EGFLAM: variants seen among roughly 807,000 people sequenced by gnomAD.
The protein encoded by EGFLAM is EGF like, fibronectin type III and laminin G domains, also known as pikachurin.
A neutral mutation model predicts 113.1 loss-of-function variants in EGFLAM; 79 were observed. That is an observed-to-expected ratio of 0.70 (90% CI 0.58 to 0.84). The LOEUF is 0.84. Among genes scored for constraint, EGFLAM ranks in the 40% least tolerant of loss-of-function variants. The probability of loss-of-function intolerance (pLI) is 0.00; values close to 1 mark genes in which losing one functional copy is unlikely to be tolerated. For synonymous variants in EGFLAM, 504 were observed against 487.6 expected (o/e 1.03, Z -0.44); for missense variants, 1,265 against 1,291.6 (o/e 0.98, Z 0.32).
intron 20 of EGFLAM, among the ~76,000 whole-genome samples, chr5:38,459,148 C>T (rs1670654817): frequency 6.6e-6 from 1 of 151,948 alleles, no homozygotes; most frequent in Admixed American, 6.5e-5. Context: ...TCAGGCAGTC[C>T]TCCCACTTCA....
At chr5:38,360,825 T>TATTC (rs201476604) in intron 5 of EGFLAM, among the ~76,000 whole-genome samples, 258 of 49,240 alleles carry the variant, frequency 5.2e-3, no homozygotes, top group Middle Eastern at 0.013. Context: ...TGAAATTATT[T>TATTC]ATTTATTTAT....
At chr5:38,293,712 C>T (rs1758391847) in intron 1 of EGFLAM, among the ~76,000 whole-genome samples, 1 of 152,164 alleles carries the variant, frequency 6.6e-6, no homozygotes, top group Non-Finnish European at 1.5e-5. Context: ...CAACATTACT[C>T]TTGAAAATCT....
intron 6 of EGFLAM, among the ~76,000 whole-genome samples, chr5:38,404,816 C>T (rs557996413): frequency 6.6e-5 from 10 of 152,256 alleles, no homozygotes; most frequent in Admixed American, 5.9e-4. Flanking sequence ...TGGCCCAAAT[C>T]CACTGTGAGG....
At chr5:38,327,329 T>C (rs1209989499) in intron 1 of EGFLAM, among the ~76,000 whole-genome samples, 1 of 152,208 alleles carries the variant, frequency 6.6e-6, no homozygotes, top group Non-Finnish European at 1.5e-5. Context: ...CCCACATGTC[T>C]TTTGATCTTT....
In EGFLAM at chr5:38,463,201, G is replaced by A. The variant is rs115123581; in HGVS notation, c.2875+190G>A. 5.7e-3 allele frequency among the ~76,000 whole-genome samples: 865 copies of A among 152,236 alleles called. 11 individuals carry two copies. Among genetic ancestry groups the A allele is most frequent in the African/African-American group, 0.02 (827 of 41,534 alleles). On this transcript the variant is annotated intron_variant, in intron 21 of 21. Transcript: ENST00000322350. ...TGAGGGGGCAGGAAGGGCTCCCTTCGATGCTTTTATGCTTTGGACAGATCC... is the reference window on the plus strand; with the variant it reads ...TGAGGGGGCAGGAAGGGCTCCCTTCAATGCTTTTATGCTTTGGACAGATCC...
rs148226219 is a variant in EGFLAM at position 38,354,193 on chromosome 5, T to C, written c.545+1862T>C. 2.3e-3 allele frequency among the ~76,000 whole-genome samples: 352 copies of C among 152,146 alleles called. 1 individual carries two copies. The highest frequency in any genetic ancestry group is 7.7e-3 in the African/African-American group (318 of 41,494). ...CAAAGCCCCAGAACAATGCTTTGCA[T>C]TGAAGATAATCTACGCCCCTGCCAT... On this transcript the variant is annotated intron_variant, in intron 5 of 21. Coordinates refer to ENST00000322350, the MANE Select transcript of EGFLAM (RefSeq NM_152403.4).
chr5:38,293,687 A>C (rs573058138), intron 1 of EGFLAM, among the ~76,000 whole-genome samples: 1 of 152,366 alleles, frequency 6.6e-6, no homozygotes, highest in African/African-American at 2.4e-5. Context: ...ATTATATAAA[A>C]ATTATGTAAT....
At chr5:38,418,688 C>T (rs565907778) in intron 12 of EGFLAM, among the ~76,000 whole-genome samples, 5 of 152,274 alleles carry the variant, frequency 3.3e-5, no homozygotes, top group African/African-American at 1.2e-4. Context: ...GATCGCTGTG[C>T]CAAACATCTT....
Position 38,406,231 on chromosome 5 carries a change from C to A in EGFLAM, c.818C>A (p.Ser273Tyr), listed in dbSNP as rs1431994987. 1 of 1,613,938 alleles carries A rather than the reference C, an allele frequency of 6.2e-7. No individual in the cohort carries two copies. The highest frequency in any genetic ancestry group is 1.1e-5 in the South Asian group (1 of 91,064). ...GAAGACGACTTAGATTTGGATATTT[C>A]CTTTGAGGAGGTAACAATAATCTCT... ...GFEDDLDLDI[S>Y]FEEVKPLPAT... is the part of the protein sequence containing the mutation. Residue 273 changes from serine (S) to tyrosine (Y), a missense_variant, in exon 7 of 22, where the codon TCC becomes TAC. Transcript: ENST00000322350.
intron 1 of EGFLAM, among the ~76,000 whole-genome samples, chr5:38,294,307 T>A (rs1432010557): frequency 2.6e-5 from 4 of 152,200 alleles, no homozygotes; most frequent in Non-Finnish European, 5.9e-5. Flanking sequence ...CCTGCTAACA[T>A]CTCATTGGTC....
intron 6 of EGFLAM, among the ~76,000 whole-genome samples, chr5:38,388,587 A>AAT (rs903926245): frequency 5.8e-4 from 88 of 150,822 alleles, no homozygotes; most frequent in African/African-American, 1.5e-3. Context: ...CTACTAAAAA[A>AAT]ATATATATAT....
intron 1 of EGFLAM, chr5:38,284,008 AG>A (rs1267093612): frequency 6.6e-6 from 1 of 152,440 alleles, no homozygotes; most frequent in Non-Finnish European, 1.5e-5. Flanking sequence ...GTAGAAAGGC[AG>A]GGGTGTCAGC....
At chr5:38,294,867 C>A (rs1758416431) in intron 1 of EGFLAM, among the ~76,000 whole-genome samples, 1 of 151,966 alleles carries the variant, frequency 6.6e-6, no homozygotes, top group South Asian at 2.1e-4. Flanking sequence ...CTCTTGTTGC[C>A]CAGGCTGGAG....
chr5:38,459,473 C>A (rs916045207), intron 20 of EGFLAM, among the ~76,000 whole-genome samples: 2 of 152,096 alleles, frequency 1.3e-5, no homozygotes, highest in Non-Finnish European at 2.9e-5. Context: ...ACTATTAATA[C>A]CTTTGTCCAT....
At chr5:38,369,153 G>A (rs1740142426) in intron 5 of EGFLAM, among the ~76,000 whole-genome samples, 1 of 152,174 alleles carries the variant, frequency 6.6e-6, no homozygotes, top group Middle Eastern at 3.2e-3. Flanking sequence ...TACAACGCCA[G>A]CCTATTTGAA....
intron 1 of EGFLAM, among the ~76,000 whole-genome samples, chr5:38,306,535 A>G (rs995512385): frequency 6.6e-6 from 1 of 152,182 alleles, no homozygotes; most frequent in Non-Finnish European, 1.5e-5. Context: ...AGTGGCAGCT[A>G]TTGGTGCTAT....
intron 6 of EGFLAM, among the ~76,000 whole-genome samples, chr5:38,386,696 G>A (rs1013187189): frequency 6.6e-6 from 1 of 152,012 alleles, no homozygotes; most frequent in African/African-American, 2.4e-5. Context: ...TAGTAGAGAC[G>A]GGGTTTCACC....
At chr5:38,333,086 G>C (rs1579783818) in intron 1 of EGFLAM, among the ~76,000 whole-genome samples, 1 of 152,132 alleles carries the variant, frequency 6.6e-6, no homozygotes, top group East Asian at 1.9e-4. Flanking sequence ...GTTTGCTCAG[G>C]ATGATATCCT....
intron 5 of EGFLAM, among the ~76,000 whole-genome samples, chr5:38,360,387 G>A (rs1739886813): frequency 6.6e-6 from 1 of 152,210 alleles, no homozygotes; most frequent in African/African-American, 2.4e-5. Context: ...GCCTGGTGAA[G>A]TTGCTTGATT....
Sources: allele counts gnomAD v4.1 joint callset (sites outside exome capture counted in the v4.1 genomes callset), GRCh38; gene constraint gnomAD v4.1.1; transcripts MANE v1.5; gene names NCBI Gene and HGNC (gene_info 2026-07-23, HGNC 2026-07-21).